The following MACROD2 variants were observed in gnomAD, a reference collection of about 807,000 sequenced individuals.
The protein encoded by MACROD2 is ADP-ribose glycohydrolase MACROD2.
MACROD2 carries 36 observed loss-of-function variants against 70.4 expected under a neutral mutation model. That is an observed-to-expected ratio of 0.51 (90% confidence interval 0.39 to 0.68). MACROD2 has a LOEUF of 0.68. Ranked by LOEUF, MACROD2 falls within the 30% of genes least tolerant of loss-of-function variation. The pLI is 0.00. For synonymous variants in MACROD2, 172 were observed against 178.8 expected (o/e 0.96, Z 0.30); for missense variants, 496 against 538.4 (o/e 0.92, Z 0.78).
chr20:14,745,912 G>A (rs930037285), intron 5 of MACROD2, among the ~76,000 whole-genome samples: 2 of 152,050 alleles, frequency 1.3e-5, no homozygotes, highest in African/African-American at 4.8e-5. Context: ...TAAAGAATAT[G>A]GATGCAGTCC....
intron 8 of MACROD2, among the ~76,000 whole-genome samples, chr20:15,567,092 T>C (rs1171039329): frequency 1.5e-5 from 2 of 137,606 alleles, no homozygotes; most frequent in Admixed American, 1.5e-4. Context: ...TTTAAATAAC[T>C]ATTGTGGGGT....
intron 6 of MACROD2, among the ~76,000 whole-genome samples, chr20:15,362,008 C>CTT (rs34029805): frequency 0.027 from 3,797 of 142,446 alleles, 159 homozygotes; most frequent in African/African-American, 0.091. Flanking sequence ...TTATTTCTTC[C>CTT]TTTTTTTTTT....
chr20:14,097,033 C>T (rs532175196), intron 3 of MACROD2, among the ~76,000 whole-genome samples: 1 of 152,276 alleles, frequency 6.6e-6, no homozygotes, highest in East Asian at 1.9e-4. Flanking sequence ...TCTGTCTTCC[C>T]TGCAGGCTTC....
At chr20:14,065,204 G>A (rs180873052) in intron 2 of MACROD2, among the ~76,000 whole-genome samples, 16 of 152,220 alleles carry the variant, frequency 1.1e-4, no homozygotes, top group African/African-American at 3.9e-4. Flanking sequence ...TAAATTCTTT[G>A]TGTGTGGACA....
intron 3 of MACROD2, among the ~76,000 whole-genome samples, chr20:14,447,263 C>T (rs76499437): frequency 2.6e-5 from 4 of 152,110 alleles, no homozygotes; most frequent in African/African-American, 9.7e-5. Context: ...TGTGATTCAC[C>T]TGCCTCAGCC....
chr20:15,233,640 T>G (rs1442240667), intron 6 of MACROD2, among the ~76,000 whole-genome samples: 1 of 152,066 alleles, frequency 6.6e-6, no homozygotes, highest in African/African-American at 2.4e-5. Context: ...AGCTGTTTTT[T>G]CATACCTATC....
At chr20:14,965,534 C>T (rs1160067296) in intron 5 of MACROD2, among the ~76,000 whole-genome samples, 1 of 140,090 alleles carries the variant, frequency 7.1e-6, no homozygotes, top group African/African-American at 2.6e-5. Flanking sequence ...GATCTCGGCT[C>T]ACTGCAAGCT....
intron 6 of MACROD2, among the ~76,000 whole-genome samples, chr20:15,274,148 C>A (rs4814353): frequency 5.3e-5 from 8 of 151,852 alleles, no homozygotes. Context: ...CTAAGGTGAA[C>A]AGAATCAAAA....
At chr20:15,060,534 C>T (rs1252513304) in intron 5 of MACROD2, among the ~76,000 whole-genome samples, 1 of 152,172 alleles carries the variant, frequency 6.6e-6, no homozygotes, top group Non-Finnish European at 1.5e-5. Context: ...GCACCCTTGG[C>T]TTCTCAGATT....
chr20:14,294,976 G>A (rs1380260089), intron 3 of MACROD2, among the ~76,000 whole-genome samples: 2 of 151,702 alleles, frequency 1.3e-5, no homozygotes, highest in African/African-American at 4.9e-5. Flanking sequence ...GAAACAGCCA[G>A]TCAGTGGCTT....
chr20:15,037,173 G>A (rs2123015496), intron 5 of MACROD2, among the ~76,000 whole-genome samples: 1 of 152,168 alleles, frequency 6.6e-6, no homozygotes, highest in Non-Finnish European at 1.5e-5. Flanking sequence ...CTGAAGCTTT[G>A]TGATCTTTCA....
intron 6 of MACROD2, among the ~76,000 whole-genome samples, chr20:15,284,408 G>C (rs1211079902): frequency 6.6e-6 from 1 of 152,084 alleles, no homozygotes; most frequent in Non-Finnish European, 1.5e-5. Context: ...TAGTTTTGTA[G>C]CTAATGGACT....
intron 5 of MACROD2, among the ~76,000 whole-genome samples, chr20:14,935,746 C>G (rs76796017): frequency 6.6e-6 from 1 of 152,144 alleles, no homozygotes; most frequent in African/African-American, 2.4e-5. Flanking sequence ...GAAGGGAGCA[C>G]GTTAAATCCT....
Position 15,203,291 on chromosome 20 carries a change from A to G in MACROD2, c.419-26649A>G, listed in dbSNP as rs1004946462. The stretch of plus-strand genomic sequence containing the variant: ...TAACTTCCAGAATTGTTCATGTACA[A>G]TTTGGCTTTGTTTGGGGATTGAATC... On this transcript the variant is annotated intron_variant, in intron 5 of 17. Transcript: ENST00000684519. Among the ~76,000 whole-genome samples the G allele has an allele frequency of 4.6e-5, 7 of 152,136 alleles. No homozygotes were observed. In the East Asian group the frequency reaches 1.2e-3, roughly 25 times the overall value.
intron 11 of MACROD2, among the ~76,000 whole-genome samples, chr20:15,936,134 A>C (rs1368088149): frequency 6.6e-6 from 1 of 151,644 alleles, no homozygotes; most frequent in Non-Finnish European, 1.5e-5. Flanking sequence ...TACTACATAA[A>C]AAACTATGAA....
intron 5 of MACROD2, among the ~76,000 whole-genome samples, chr20:14,859,326 T>C (rs1278723962): frequency 6.6e-6 from 1 of 152,162 alleles, no homozygotes; most frequent in African/African-American, 2.4e-5. Context: ...TGTTAATTAT[T>C]ATAATAATCA....
chr20:14,389,421 C>CAAAAA lies in MACROD2; in HGVS notation c.272-104042_272-104038dup, dbSNP rs4052956. ...TGGGCGACAGGGCGAGACTTGGTCT[C>CAAAAA]AAAAAAAAAAAAAAAAAAAAGACAT... is the stretch of plus-strand genomic sequence containing the variant. On this transcript the variant is annotated intron_variant, in intron 3 of 17. Transcript: ENST00000684519. Among the ~76,000 whole-genome samples the CAAAAA allele has an allele frequency of 1.1e-3, 96 of 89,474 alleles. 2 individuals are homozygous for CAAAAA. Among genetic ancestry groups the CAAAAA allele is most frequent in the Non-Finnish European group, 1.0e-3 (50 of 48,796 alleles). The allele number at this position is 89,474 out of a possible 152,430, so 58.7% of individuals were successfully genotyped here.
intron 5 of MACROD2, among the ~76,000 whole-genome samples, chr20:14,941,304 G>C (rs2074387425): frequency 6.6e-6 from 1 of 151,910 alleles, no homozygotes; most frequent in Admixed American, 6.6e-5. Context: ...CTGGGGAGGG[G>C]TTGGTAGTCC....
At chr20:15,344,604 A>G (rs1038034329) in intron 6 of MACROD2, among the ~76,000 whole-genome samples, 1 of 152,136 alleles carries the variant, frequency 6.6e-6, no homozygotes, top group Non-Finnish European at 1.5e-5. Context: ...ATCAGCCTTG[A>G]AAACCTGTTT....
Sources: gnomAD v4.1 joint callset for allele counts (sites outside exome capture counted in the v4.1 genomes callset) on GRCh38, gnomAD v4.1.1 for gene constraint, MANE v1.5 for transcripts, NCBI Gene and HGNC (gene_info 2026-07-23, HGNC 2026-07-21) for gene names.